Variants in HACL1 observed in about 807,000 individuals in gnomAD.
The protein encoded by HACL1 is 1600020H07Rik.
Under a neutral mutation model 74.2 loss-of-function variants are expected in HACL1, and 64 were observed. The observed-to-expected ratio is 0.86, with a 90% CI of 0.70 to 1.06. The LOEUF is 1.06. Ranked by LOEUF, HACL1 falls within the 50% of genes least tolerant of loss-of-function variation. The pLI is 0.00. For synonymous variants in HACL1, 230 were observed against 238.8 expected (o/e 0.96, Z 0.34); for missense variants, 728 against 719.7 (o/e 1.01, Z -0.13).
chr3:15,583,024 C>A (rs1156337908), intron 7 of HACL1, 35 bp from the exon 8 acceptor site: 3 of 950,268 alleles, frequency 3.2e-6, no homozygotes, highest in Non-Finnish European at 3.3e-6. Context: ...TAAAAGAGGC[C>A]AACTATGATC....
At chr3:15,587,773 T>C (rs573410985) in intron 5 of HACL1, among the ~76,000 whole-genome samples, 1 of 152,330 alleles carries the variant, frequency 6.6e-6, no homozygotes, top group South Asian at 2.1e-4. Flanking sequence ...TATAAAAATA[T>C]AACTTTTGCA....
At chr3:15,562,517 C>T (rs555130535) in intron 16 of HACL1, among the ~76,000 whole-genome samples, 31 of 152,146 alleles carry the variant, frequency 2.0e-4, no homozygotes, top group East Asian at 9.7e-4. Context: ...ATTCATCCAC[C>T]GCTTTGTTCA....
chr3:15,569,067 A>C (rs2063480534), intron 12 of HACL1, among the ~76,000 whole-genome samples: 1 of 152,206 alleles, frequency 6.6e-6, no homozygotes, highest in Non-Finnish European at 1.5e-5. Context: ...CAACACACTT[A>C]AGAGTTAAAG....
chr3:15,591,928 C>T (rs527925708), intron 3 of HACL1, among the ~76,000 whole-genome samples: 10 of 148,292 alleles, frequency 6.7e-5, no homozygotes, highest in East Asian at 4.0e-4. Context: ...TGTATATATA[C>T]GTATATACGT....
chr3:15,570,265 G>A (rs1406800155), intron 12 of HACL1, among the ~76,000 whole-genome samples: 1 of 151,534 alleles, frequency 6.6e-6, no homozygotes, highest in Admixed American at 6.6e-5. Flanking sequence ...AACCTGCGAG[G>A]CAGAGGTTGC....
intron 14 of HACL1, among the ~76,000 whole-genome samples, chr3:15,567,374 TAA>T (rs2063455308): frequency 6.6e-6 from 1 of 150,456 alleles, no homozygotes; most frequent in East Asian, 1.9e-4. Flanking sequence ...TGCGTCTGGC[TAA>T]TTTTTTTTTT....
intron 11 of HACL1, among the ~76,000 whole-genome samples, chr3:15,572,074 A>G (rs544231246): frequency 1.8e-4 from 28 of 152,104 alleles, no homozygotes; most frequent in Admixed American, 3.9e-4. Flanking sequence ...TCCTGACCTC[A>G]GGTGATCTAC....
intron 15 of HACL1, among the ~76,000 whole-genome samples, chr3:15,564,265 C>G (rs2063394695): frequency 6.6e-6 from 1 of 152,248 alleles, no homozygotes; most frequent in African/African-American, 2.4e-5. Flanking sequence ...CTATTGCTCC[C>G]AGTCCAGGGA....
At chr3:15,567,671 T>G (rs2063460346) in intron 14 of HACL1, among the ~76,000 whole-genome samples, 173 bp downstream of exon 14, 1 of 152,210 alleles carries the variant, frequency 6.6e-6, no homozygotes, top group South Asian at 2.1e-4. Flanking sequence ...AAGATACGGT[T>G]CTGGAAGAGA....
At chr3:15,588,991 C>T (rs2063843675) in intron 5 of HACL1, among the ~76,000 whole-genome samples, 2 of 152,166 alleles carry the variant, frequency 1.3e-5, no homozygotes, top group Admixed American at 6.5e-5. Context: ...AAAATCCTGT[C>T]ACAAAGGTGT....
intron 12 of HACL1, among the ~76,000 whole-genome samples, chr3:15,570,503 TAA>T (rs2063508195): frequency 2.0e-5 from 3 of 150,894 alleles, no homozygotes; most frequent in Admixed American, 6.6e-5. Flanking sequence ...ATTCCACCAG[TAA>T]GAAACACTGG....
Position 15,563,480 on chromosome 3 carries a change from T to G in HACL1, c.1582A>C (p.Lys528Gln). 6.2e-7 allele frequency: 1 copy of G among 1,611,470 alleles called. No individual in the cohort carries two copies. The highest frequency in any genetic ancestry group is 2.2e-5 in the East Asian group (1 of 44,872). ...YEQVMTAFGGKGYFVQTPEEL... is the reference protein window; with the variant it reads ...YEQVMTAFGGQGYFVQTPEEL... ...TCTGGTGTTTGTACAAAATACCCTTTGCCTCCAAATGCAGTCATGACTTGC... is the reference window on the plus strand; with the variant it reads ...TCTGGTGTTTGTACAAAATACCCTTGGCCTCCAAATGCAGTCATGACTTGC... The change falls in exon 16 of 17, where the codon AAA (lysine) becomes CAA (glutamine). Residue 528 changes from lysine to glutamine, a missense_variant. Lys to Gln is a moderately conservative substitution (Grantham distance 53, BLOSUM62 1). Transcript: ENST00000321169.
At chr3:15,600,171 C>A (rs2064170854) in intron 2 of HACL1, among the ~76,000 whole-genome samples, 1 of 150,874 alleles carries the variant, frequency 6.6e-6, no homozygotes, top group African/African-American at 2.5e-5. Context: ...AAAGCACAAA[C>A]CAAGCCAGGC....
At chr3:15,563,622 A>C (rs2063384452) in intron 15 of HACL1, 78 bp from the exon 16 acceptor site, 1 of 879,026 alleles carries the variant, frequency 1.1e-6, no homozygotes, top group African/African-American at 1.7e-5. Context: ...GAAATACTTC[A>C]TTAAAAAAAT....
At chr3:15,563,277 G>A in intron 16 of HACL1, 81 bp downstream of exon 16, 1 of 896,192 alleles carries the variant, frequency 1.1e-6, no homozygotes, top group Non-Finnish European at 1.8e-6. Context: ...GATAGAGGGT[G>A]TTCTGTTTGG....
chr3:15,567,951 A>G lies in HACL1; in HGVS notation c.1302T>C (p.Ile434=), dbSNP rs753779662. Residue 434 remains isoleucine (I), a synonymous_variant, in exon 14 of 17, where the codon ATT becomes ATC. Transcript: ENST00000321169. ...GTMGVGLGFA[I]AAAVVAKDRS... The stretch of plus-strand genomic sequence containing the variant: ...TATCTTTAGCCACCACGGCAGCTGC[A>G]ATAGCAAATCCCAAACCAACTCCCA... 1 of 1,614,070 alleles carries G rather than the reference A, an allele frequency of 6.2e-7. No individual in the cohort carries two copies.
intron 8 of HACL1, among the ~76,000 whole-genome samples, chr3:15,581,353 G>T (rs2125256830): frequency 6.6e-6 from 1 of 151,992 alleles, no homozygotes; most frequent in South Asian, 2.1e-4. Context: ...ATTTTTCAAG[G>T]CTAGTATATT....
intron 9 of HACL1, among the ~76,000 whole-genome samples, chr3:15,575,910 C>T (rs964816819): frequency 1.3e-5 from 2 of 151,826 alleles, no homozygotes; most frequent in African/African-American, 2.4e-5. Context: ...GTAATCCCAA[C>T]ACTTTGGGAG....
chr3:15,594,404 A>G (rs548649486), intron 3 of HACL1, among the ~76,000 whole-genome samples: 26 of 152,284 alleles, frequency 1.7e-4, no homozygotes, highest in African/African-American at 6.0e-4. Context: ...TGAGACTCCA[A>G]ATAAATAAAT....
Sources: allele counts gnomAD v4.1 joint callset (sites outside exome capture counted in the v4.1 genomes callset), GRCh38; gene constraint gnomAD v4.1.1; transcripts MANE v1.5; gene names NCBI Gene and HGNC (gene_info 2026-07-23, HGNC 2026-07-21).